Variants in PILRA observed in about 807,000 individuals in gnomAD.
PILRA encodes paired immunoglobin like type 2 receptor alpha.
A neutral mutation model predicts 33.1 loss-of-function variants in PILRA; 37 were observed. The observed-to-expected ratio is 1.12, with a 90% CI of 0.86 to 1.47. The LOEUF (loss-of-function observed/expected upper bound fraction) is 1.47, where lower values mean the gene tolerates loss of function less well. PILRA is among the 40% of genes most tolerant of loss of function. PILRA has a pLI of 0.00. For missense variants in PILRA, 312 were observed against 376.2 expected (o/e 0.83, Z 1.41); for synonymous variants, 146 against 149.9 (o/e 0.97, Z 0.19).
Position 100,373,573 on chromosome 7 carries a change from A to T in PILRA, c.-84A>T. 1 of 1,513,576 alleles carries T rather than the reference A, an allele frequency of 6.6e-7. No homozygotes were observed. The highest frequency in any genetic ancestry group is 9.1e-7 in the Non-Finnish European group (1 of 1,094,708). 93.8% of individuals were successfully genotyped at this position (1,513,576 alleles called of 1,614,324 possible). ...AGCCCGGCTCTCCTCACTCACCTCA[A>T]CCCCCAGGCGGCCCCTCCACAGGGC... On this transcript the variant is annotated 5_prime_UTR_variant, in exon 1 of 7. Transcript: ENST00000198536.
intron 4 of PILRA, 99 bp downstream of exon 4, chr7:100,398,011 C>G: frequency 8.3e-7 from 1 of 1,206,404 alleles, no homozygotes; most frequent in East Asian, 2.4e-5. Flanking sequence ...CCCCACAAAC[C>G]CAGCCTGCCA....
At chr7:100,372,080 C>T (rs936965712), upstream of PILRA, among the ~76,000 whole-genome samples, 10 of 152,144 alleles carry the variant, frequency 6.6e-5, no homozygotes, top group African/African-American at 1.9e-4. Flanking sequence ...CGAGGCCCTG[C>T]CCAGACAGCC....
At position 100,377,231 on chromosome 7, in the gene PILRA, C is replaced by CTTTTTTT. The variant is rs761225046; in HGVS notation, c.454+2819_454+2825dup. Among the ~76,000 whole-genome samples the CTTTTTTT allele has an allele frequency of 1.3e-3, 132 of 100,940 alleles. 5 individuals carry two copies. Among genetic ancestry groups the CTTTTTTT allele is most frequent in the Non-Finnish European group, 1.6e-3 (81 of 50,888 alleles). The allele number at this position is 100,940 out of a possible 152,430, so 66.2% of individuals were successfully genotyped here. ...GTTCTTCTTTGTCACTTTTCTATTT[C>CTTTTTTT]TTTTTTTTTTTTTTTTTTTTTTTTT... is the stretch of plus-strand genomic sequence containing the variant. On this transcript the variant is annotated intron_variant, in intron 2 of 6. Transcript: ENST00000198536.
chr7:100,374,972 C>T (rs976674006), intron 2 of PILRA, among the ~76,000 whole-genome samples: 1 of 152,154 alleles, frequency 6.6e-6, no homozygotes, highest in Non-Finnish European at 1.5e-5. Flanking sequence ...CACCTGGGTT[C>T]CCATCTGCCC....
intron 2 of PILRA, among the ~76,000 whole-genome samples, chr7:100,380,037 A>G (rs755736878): frequency 5.9e-5 from 9 of 152,206 alleles, no homozygotes; most frequent in Non-Finnish European, 1.2e-4. Context: ...TTGAAAATCT[A>G]CGTCAGAAGC....
intron 3 of PILRA, among the ~76,000 whole-genome samples, chr7:100,397,000 CG>C (rs1259330759): frequency 2.7e-5 from 4 of 147,928 alleles, no homozygotes; most frequent in African/African-American, 9.9e-5. Context: ...TTTTTTTTAC[CG>C]TAAGTAAAAT....
In PILRA at chr7:100,380,639, ACT is replaced by A. The variant is rs1365655245; in HGVS notation, c.454+6209_454+6210del. Among the ~76,000 whole-genome samples the A allele has an allele frequency of 3.3e-5, 5 of 151,996 alleles. No individual in the cohort carries two copies. In the East Asian group the frequency reaches 7.7e-4, roughly 24 times the overall value. On this transcript the variant is annotated intron_variant, in intron 2 of 6. Transcript: ENST00000198536. ...AGCAAGAATCTGGCAACATAGCAAG[ACT>A]CTGTCTCTATAAAAAAATACAATTT...
chr7:100,387,677 G>A (rs1791283957), intron 2 of PILRA, among the ~76,000 whole-genome samples: 1 of 152,092 alleles, frequency 6.6e-6, no homozygotes, highest in African/African-American at 2.4e-5. Flanking sequence ...CCCAGCTTGG[G>A]CAACAGAGCA....
intron 2 of PILRA, among the ~76,000 whole-genome samples, chr7:100,378,335 G>T (rs1401467591): frequency 1.3e-5 from 2 of 152,168 alleles, no homozygotes; most frequent in East Asian, 3.8e-4. Flanking sequence ...CTGAGTGGCA[G>T]AGCAAGACCC....
chr7:100,374,817 T>A (rs1014474592), intron 2 of PILRA: 1 of 312,984 alleles, frequency 3.2e-6, no homozygotes, highest in East Asian at 8.1e-5. Context: ...CTCTTTGTCA[T>A]GTGTCTCTGT....
chr7:100,375,310 C>G (rs1209830601), intron 2 of PILRA, among the ~76,000 whole-genome samples: 3 of 152,284 alleles, frequency 2.0e-5, no homozygotes, highest in South Asian at 2.1e-4. Context: ...CCTAGTGAAC[C>G]CTCACCAAGA....
chr7:100,388,399 C>G (rs1791300908), intron 2 of PILRA, among the ~76,000 whole-genome samples: 1 of 151,964 alleles, frequency 6.6e-6, no homozygotes, highest in East Asian at 1.9e-4. Flanking sequence ...AACATATTTT[C>G]AATATACAGT....
intron 3 of PILRA, among the ~76,000 whole-genome samples, chr7:100,390,536 C>T (rs1791368893): frequency 6.6e-6 from 1 of 152,176 alleles, no homozygotes; most frequent in Admixed American, 6.6e-5. Context: ...AAAGCATAAA[C>T]CATAGACTCT....
Position 100,389,649 on chromosome 7 carries a change from G to GAAGGAAAGGA in PILRA, c.455-221_455-212dup, listed in dbSNP as rs368991801. On this transcript the variant is annotated intron_variant, in intron 2 of 6. Coordinates refer to ENST00000198536, the MANE Select transcript of PILRA (RefSeq NM_013439.3). ...AGGAAGGAGGGAGGGAGGGAGAGAG[G>GAAGGAAAGGA]AAGGAAAGGAAAGGAAAGGAAAGGA... 1.9e-3 allele frequency among the ~76,000 whole-genome samples: 289 copies of GAAGGAAAGGA among 151,214 alleles called. 4 individuals carry two copies. Among genetic ancestry groups the GAAGGAAAGGA allele is most frequent in the African/African-American group, 6.7e-3 (275 of 41,150 alleles).
At chr7:100,396,885 T>C (rs1026277659) in intron 3 of PILRA, among the ~76,000 whole-genome samples, 4 of 151,900 alleles carry the variant, frequency 2.6e-5, no homozygotes, top group African/African-American at 9.7e-5. Context: ...TTTTGCAAGA[T>C]GAAAAGGTCC....
At chr7:100,393,455 C>T (rs985800391) in intron 3 of PILRA, among the ~76,000 whole-genome samples, 5 of 152,148 alleles carry the variant, frequency 3.3e-5, no homozygotes, top group Admixed American at 6.5e-5. Flanking sequence ...AGCTCAGATA[C>T]GAAACTGTAA....
At chr7:100,392,074 C>G (rs1008665667) in intron 3 of PILRA, among the ~76,000 whole-genome samples, 8 of 152,118 alleles carry the variant, frequency 5.3e-5, no homozygotes, top group African/African-American at 1.7e-4. Flanking sequence ...TTTGGGAGGC[C>G]AGGCTGGGCA....
At chr7:100,393,142 T>C (rs1339399549) in intron 3 of PILRA, among the ~76,000 whole-genome samples, 1 of 152,122 alleles carries the variant, frequency 6.6e-6, no homozygotes. Context: ...TAGCTGTGCA[T>C]GGTGATGCGC....
At chr7:100,375,225 C>A (rs1437935929) in intron 2 of PILRA, among the ~76,000 whole-genome samples, 2 of 152,194 alleles carry the variant, frequency 1.3e-5, no homozygotes, top group Non-Finnish European at 2.9e-5. Flanking sequence ...GATGTGTCTG[C>A]AGAAGCAAGA....
Sources: gnomAD v4.1 joint callset for allele counts (sites outside exome capture counted in the v4.1 genomes callset) on GRCh38, gnomAD v4.1.1 for gene constraint, MANE v1.5 for transcripts, NCBI Gene and HGNC (gene_info 2026-07-23, HGNC 2026-07-21) for gene names.